The following RIMS2 variants were observed in gnomAD, a reference collection of about 807,000 sequenced individuals.
The protein encoded by RIMS2 is regulating synaptic membrane exocytosis 2.
A neutral mutation model predicts 174.4 loss-of-function variants in RIMS2; 59 were observed. That is an observed-to-expected ratio of 0.34 (90% CI 0.27 to 0.42). RIMS2 has a LOEUF of 0.42. RIMS2 is among the 10% of genes least tolerant of loss of function. RIMS2 has a pLI of 1.00. For missense variants in RIMS2, 1,620 were observed against 1,666.3 expected, an observed-to-expected ratio of 0.97 and a Z score of 0.48; for synonymous variants, 606 against 572.5, an observed-to-expected ratio of 1.06 and a Z score of -0.84.
chr8:104,215,249 A>G (rs995348383), intron 19 of RIMS2, among the ~76,000 whole-genome samples: 9 of 152,322 alleles, frequency 5.9e-5, no homozygotes, highest in Admixed American at 5.2e-4. Context: ...CAAAGTGGTA[A>G]TCAAAAGAAG....
chr8:103,502,253 G>A (rs559163610), intron 1 of RIMS2, among the ~76,000 whole-genome samples: 4 of 152,284 alleles, frequency 2.6e-5, no homozygotes, highest in African/African-American at 4.8e-5. Context: ...TTAAAAGCAG[G>A]TTGTTGAATT....
chr8:103,879,356 C>T (rs9650011), intron 3 of RIMS2, among the ~76,000 whole-genome samples: 1 of 150,960 alleles, frequency 6.6e-6, no homozygotes, highest in Admixed American at 6.6e-5. Flanking sequence ...AGAAGGATTG[C>T]TATTAACTGC....
At chr8:104,030,131 G>T (rs547254793) in intron 19 of RIMS2, among the ~76,000 whole-genome samples, 1 of 152,172 alleles carries the variant, frequency 6.6e-6, no homozygotes, top group East Asian at 1.9e-4. Flanking sequence ...CACTATTTAT[G>T]GCTAAAGGTA....
At position 104,249,077 on chromosome 8, in the gene RIMS2, C is replaced by T. The variant is rs531814071; in HGVS notation, c.3589+264C>T. Among the ~76,000 whole-genome samples, 11 of 150,326 alleles carry T rather than the reference C, an allele frequency of 7.3e-5. No individual in the cohort carries two copies. The East Asian group carries it at 1.2e-3, about 16-fold the overall frequency. ...CCAAGTAGCTGGGACTACAGGCACACGCCACCATAACCAGCAAATATTTTG... is the reference window on the plus strand; with the variant it reads ...CCAAGTAGCTGGGACTACAGGCACATGCCACCATAACCAGCAAATATTTTG... On this transcript the variant is annotated intron_variant, in intron 21 of 23. Transcript: ENST00000504942.
rs1477501604 is a variant in RIMS2, at chr8:103,636,797, C to G, written c.177-60289C>G. ...TATAACCCACCCCCGCACCCCCCCC[C>G]CCCCACACACACACACATACCAATC... On this transcript the variant is annotated intron_variant, in intron 1 of 23. Coordinates refer to ENST00000504942, the Ensembl canonical transcript of RIMS2. Among the ~76,000 whole-genome samples, 15 of 61,740 alleles carry G rather than the reference C, an allele frequency of 2.4e-4. 1 individual carries two copies. Among genetic ancestry groups the G allele is most frequent in the East Asian group, 2.0e-3 (3 of 1,494 alleles). 40.5% of individuals were successfully genotyped at this position (61,740 alleles called of 152,430 possible).
intron 3 of RIMS2, among the ~76,000 whole-genome samples, chr8:103,850,374 T>C (rs1199389667): frequency 6.6e-6 from 1 of 151,992 alleles, no homozygotes; most frequent in Non-Finnish European, 1.5e-5. Context: ...TAATAAATTG[T>C]CAAACAAAAT....
At chr8:103,654,341 T>G (rs1326048334) in intron 1 of RIMS2, among the ~76,000 whole-genome samples, 1 of 152,010 alleles carries the variant, frequency 6.6e-6, no homozygotes, top group Admixed American at 6.6e-5. Context: ...AGAAATCACT[T>G]TAATAATAAA....
chr8:103,975,569 C>A (rs1186421560), intron 16 of RIMS2, 63 bp downstream of exon 18: 47 of 1,157,292 alleles, frequency 4.1e-5, no homozygotes, highest in Non-Finnish European at 5.5e-5. Context: ...TCCAGAGGGA[C>A]AAAACTAATA....
chr8:103,638,832 A>C (rs548802838), intron 1 of RIMS2, among the ~76,000 whole-genome samples: 2 of 152,204 alleles, frequency 1.3e-5, no homozygotes, highest in Admixed American at 1.3e-4. Flanking sequence ...TCAGCAAACA[A>C]AATGAGGAAA....
chr8:103,549,266 G>A (rs960906528), intron 1 of RIMS2, among the ~76,000 whole-genome samples: 2 of 152,188 alleles, frequency 1.3e-5, no homozygotes, highest in African/African-American at 4.8e-5. Context: ...ACTAACAGCA[G>A]ATCTCTTGGC....
At chr8:104,202,488 C>T (rs916661871) in intron 19 of RIMS2, among the ~76,000 whole-genome samples, 3 of 152,208 alleles carry the variant, frequency 2.0e-5, no homozygotes, top group East Asian at 1.9e-4. Context: ...TTACAAAAAA[C>T]GTACCACAGA....
intron 19 of RIMS2, among the ~76,000 whole-genome samples, chr8:104,094,903 A>G (rs1157340121): frequency 6.6e-6 from 1 of 152,124 alleles, no homozygotes; most frequent in African/African-American, 2.4e-5. Context: ...GATTTATTAA[A>G]CAGTCTTGAA....
In RIMS2 at chr8:104,149,791, C is replaced by T. The variant is rs899909539; in HGVS notation, c.3335-95125C>T. Among the ~76,000 whole-genome samples the T allele has an allele frequency of 6.6e-5, 10 of 152,028 alleles. No individual in the cohort carries two copies. The South Asian group carries it at 1.0e-3, about 16-fold the overall frequency. ...TTAAGGTTACATTAATTCCTGGACC[C>T]GGCTAATCTTGATTTTTGCAAACCG... On this transcript the variant is annotated intron_variant, in intron 19 of 23. Coordinates refer to ENST00000504942, the Ensembl canonical transcript of RIMS2.
At chr8:104,077,880 C>T (rs371382959) in intron 19 of RIMS2, among the ~76,000 whole-genome samples, 3 of 151,662 alleles carry the variant, frequency 2.0e-5, no homozygotes, top group East Asian at 2.0e-4. Context: ...CGGTGGCTCA[C>T]GCCCGTAATC....
chr8:103,540,490 C>T (rs1647127291), intron 1 of RIMS2, among the ~76,000 whole-genome samples: 1 of 152,184 alleles, frequency 6.6e-6, no homozygotes, highest in Non-Finnish European at 1.5e-5. Context: ...ATGTAAGCAC[C>T]CTTGTACCCC....
intron 2 of RIMS2, among the ~76,000 whole-genome samples, chr8:103,762,798 C>T (rs558335728): frequency 3.4e-4 from 52 of 152,282 alleles, no homozygotes; most frequent in African/African-American, 1.2e-3. Context: ...GCCTTCTACA[C>T]ACCTAGGCTA....
At chr8:104,171,811 GT>G (rs1328587605) in intron 19 of RIMS2, among the ~76,000 whole-genome samples, 2 of 152,012 alleles carry the variant, frequency 1.3e-5, no homozygotes, top group Non-Finnish European at 2.9e-5. Context: ...ACTGGACTGT[GT>G]TTTTTAAATT....
intron 19 of RIMS2, among the ~76,000 whole-genome samples, chr8:104,166,671 A>G (rs1366888865): frequency 6.6e-6 from 1 of 151,980 alleles, no homozygotes; most frequent in Non-Finnish European, 1.5e-5. Flanking sequence ...GACCTCAAGC[A>G]TAGAGTATAA....
intron 16 of RIMS2, among the ~76,000 whole-genome samples, chr8:103,986,001 CAA>C (rs1452895639): frequency 6.6e-6 from 1 of 152,004 alleles, no homozygotes; most frequent in African/African-American, 2.4e-5. Flanking sequence ...TTCACTTAGA[CAA>C]GAGGAATAAG....
Sources: allele counts gnomAD v4.1 joint callset (sites outside exome capture counted in the v4.1 genomes callset), GRCh38; gene constraint gnomAD v4.1.1; transcripts MANE v1.5; gene names NCBI Gene and HGNC (gene_info 2026-07-23, HGNC 2026-07-21).